FILIP1L: variants seen among roughly 807,000 people sequenced by gnomAD.
FILIP1L encodes the protein filamin A-interacting protein 1-like.
FILIP1L carries 55 observed loss-of-function variants against 96.6 expected under a neutral mutation model. The ratio of observed to expected loss-of-function variants is 0.57; its 90% CI spans 0.46 to 0.71. The LOEUF (loss-of-function observed/expected upper bound fraction) is 0.71. Among genes scored for constraint, FILIP1L ranks in the 30% least tolerant of loss-of-function variants. The pLI is 0.00. For missense variants in FILIP1L, 1,304 were observed against 1,321.2 expected (o/e 0.99, Z 0.20); for synonymous variants, 467 against 473.9 (o/e 0.99, Z 0.19).
chr3:99,849,265 G>A lies in FILIP1L; in HGVS notation c.2411C>T (p.Ala804Val), dbSNP rs1184514945. 2 of 1,614,136 alleles carry A rather than the reference G, an allele frequency of 1.2e-6. No individual in the cohort carries two copies. The highest frequency in any genetic ancestry group is 1.3e-5 in the African/African-American group (1 of 75,024). The change falls in exon 5 of 6, where the codon GCA becomes GTA. Residue 804 changes from alanine to valine, a missense_variant. Ala to Val is a moderately conservative substitution (Grantham distance 64). Transcript: ENST00000477258. ...QVFSKEVQTE[A>V]VDNEPPDYKS... is the part of the protein sequence containing the mutation. ...GTAATCAGGTGGTTCATTGTCTACT[G>A]CTTCTGTCTGAACTTCTTTAGAAAA...
Position 100,106,334 on chromosome 3 carries a change from A to G in FILIP1L, c.-11+7719T>C, listed in dbSNP as rs549524566. Among the ~76,000 whole-genome samples the G allele has an allele frequency of 3.9e-5, 6 of 152,278 alleles. No homozygotes were observed. The South Asian group carries it at 1.2e-3, about 32-fold the overall frequency. On this transcript the variant is annotated intron_variant, in intron 1 of 5. Coordinates refer to ENST00000477258, the MANE Select transcript of FILIP1L (RefSeq NM_001387850.1). ...AGTCCTCTTCCAGGCCAGCCTAGGC[A>G]TGACTGATTCTACATGTAACCTAAT...
chr3:99,851,176 T>A, intron 4 of FILIP1L, 106 bp from the exon 5 acceptor site: 9 of 910,548 alleles, frequency 9.9e-6, no homozygotes, highest in Non-Finnish European at 1.4e-5. Flanking sequence ...ATATGAGCTG[T>A]GTCAGTTCAT....
chr3:99,831,204 T>C (rs1942658153), intron 5 of FILIP1L, among the ~76,000 whole-genome samples: 1 of 152,222 alleles, frequency 6.6e-6, no homozygotes, highest in East Asian at 1.9e-4. Context: ...AATTATAGTA[T>C]AATTATGACA....
chr3:99,867,266 A>G, intron 4 of FILIP1L, among the ~76,000 whole-genome samples: 1 of 152,126 alleles, frequency 6.6e-6, no homozygotes, highest in Non-Finnish European at 1.5e-5. Context: ...TATCTATGTG[A>G]GAAATGTTCT....
At chr3:100,096,511 A>C (rs1339876291) in intron 1 of FILIP1L, among the ~76,000 whole-genome samples, 1 of 152,132 alleles carries the variant, frequency 6.6e-6, no homozygotes, top group Admixed American at 6.5e-5. Context: ...AGCCACGCAC[A>C]AAAAGACAAA....
chr3:99,932,923 A>G (rs1707532350), intron 1 of FILIP1L, among the ~76,000 whole-genome samples: 1 of 152,170 alleles, frequency 6.6e-6, no homozygotes, highest in Non-Finnish European at 1.5e-5. Flanking sequence ...CTTCAGGTCC[A>G]ATGACCTGAT....
At chr3:100,002,628 A>G (rs553979131) in intron 1 of FILIP1L, among the ~76,000 whole-genome samples, 2 of 152,222 alleles carry the variant, frequency 1.3e-5, no homozygotes, top group Admixed American at 6.5e-5. Flanking sequence ...TGTCCATCAT[A>G]TGGGTGTGAT....
chr3:99,933,377 G>C (rs1353866959), intron 1 of FILIP1L, among the ~76,000 whole-genome samples: 1 of 152,186 alleles, frequency 6.6e-6, no homozygotes, highest in Non-Finnish European at 1.5e-5. Flanking sequence ...CAAAGGCATA[G>C]AAGGGATATT....
chr3:100,077,734 A>T (rs1327090573), intron 1 of FILIP1L, among the ~76,000 whole-genome samples: 4 of 152,102 alleles, frequency 2.6e-5, no homozygotes, highest in African/African-American at 9.7e-5. Flanking sequence ...ACATGGCAAG[A>T]CCCTGTCTCT....
intron 1 of FILIP1L, among the ~76,000 whole-genome samples, chr3:100,103,030 G>A (rs887417323): frequency 5.3e-5 from 8 of 152,188 alleles, no homozygotes; most frequent in Non-Finnish European, 1.2e-4. Flanking sequence ...TGAGGTTGAG[G>A]CTTGGGAGAC....
At chr3:99,867,457 C>A (rs1251379253) in intron 4 of FILIP1L, among the ~76,000 whole-genome samples, 1 of 152,154 alleles carries the variant, frequency 6.6e-6, no homozygotes, top group Non-Finnish European at 1.5e-5. Flanking sequence ...CACTATTCAT[C>A]GCTTTTTAAA....
chr3:99,859,861 A>G (rs892943009), intron 4 of FILIP1L, among the ~76,000 whole-genome samples: 1 of 152,154 alleles, frequency 6.6e-6, no homozygotes, highest in Non-Finnish European at 1.5e-5. Flanking sequence ...AAATTTTAAG[A>G]GCACTCATAA....
intron 5 of FILIP1L, among the ~76,000 whole-genome samples, chr3:99,844,625 A>G (rs1357409958): frequency 6.6e-6 from 1 of 152,106 alleles, no homozygotes; most frequent in African/African-American, 2.4e-5. Flanking sequence ...TAGACTACAA[A>G]TCTCTAAAAT....
chr3:99,997,942 A>G (rs1464531842), intron 1 of FILIP1L, among the ~76,000 whole-genome samples: 2 of 152,264 alleles, frequency 1.3e-5, no homozygotes, highest in East Asian at 3.8e-4. Context: ...TTCTACATCA[A>G]GAATCAAGAT....
In FILIP1L at chr3:99,833,238, A is replaced by G. The variant is rs369682057; in HGVS notation, c.3382-2633T>C. The G allele has an allele frequency of 1.9e-4, 303 of 1,612,316 alleles. 1 individual carries two copies. The highest frequency in any genetic ancestry group is 2.4e-4 in the Non-Finnish European group (285 of 1,178,710). ...AAAAGTCTGAAGGATGTTGAGTTCA[A>G]TGAGGCAGAAGAAGTGGTTCCACCT... is the stretch of plus-strand genomic sequence containing the variant. On this transcript the variant is annotated intron_variant, in intron 5 of 5. Transcript: ENST00000477258.
intron 1 of FILIP1L, among the ~76,000 whole-genome samples, chr3:99,972,638 A>T (rs1437010492): frequency 3.3e-5 from 5 of 152,190 alleles, no homozygotes. Context: ...GTGCTTATGA[A>T]ATGAGCCCAT....
chr3:100,006,025 G>C (rs903405043), intron 1 of FILIP1L, among the ~76,000 whole-genome samples: 22 of 152,172 alleles, frequency 1.4e-4, no homozygotes, highest in African/African-American at 5.3e-4. Context: ...TTGATAGGAA[G>C]TGGGATAGAA....
Position 99,916,437 on chromosome 3 carries a change from TACACACACACACACACACACACAC to T in FILIP1L, c.605+7769_605+7792del, listed in dbSNP as rs10529210. ...GCCAACACTTTATAATAACGGTTTA[TACACACACACACACACACACACAC>T]ACACACACACACACACACACACACG... On this transcript the variant is annotated intron_variant, in intron 4 of 5. Coordinates refer to ENST00000477258, the MANE Select transcript of FILIP1L (RefSeq NM_001387850.1). 2.8e-4 allele frequency among the ~76,000 whole-genome samples: 39 copies of T among 137,180 alleles called. No homozygotes were observed. The South Asian group carries it at 7.6e-3, about 27-fold the overall frequency. The allele number at this position is 137,180 out of a possible 152,430, so 90.0% of individuals were successfully genotyped here.
At chr3:99,930,052 A>G in intron 2 of FILIP1L, 23 bp from the exon 3 acceptor site, 1 of 1,583,298 alleles carries the variant, frequency 6.3e-7, no homozygotes, top group Non-Finnish European at 8.6e-7. Context: ...AAAGTATTTC[A>G]GAAAGCCTGC....
Sources: allele counts gnomAD v4.1 joint callset (sites outside exome capture counted in the v4.1 genomes callset), GRCh38; gene constraint gnomAD v4.1.1; transcripts MANE v1.5; gene names NCBI Gene and HGNC (gene_info 2026-07-23, HGNC 2026-07-21).